Variants in PTK2 observed in about 807,000 individuals in gnomAD.
The protein encoded by PTK2 is protein tyrosine kinase 2.
Under a neutral mutation model 150.1 loss-of-function variants are expected in PTK2, and 45 were observed. That is an observed-to-expected ratio of 0.30 (90% confidence interval 0.24 to 0.38). The LOEUF (loss-of-function observed/expected upper bound fraction) is 0.38, where lower values mean the gene tolerates loss of function less well. PTK2 is among the 10% of genes least tolerant of loss of function. The pLI is 1.00. For synonymous variants in PTK2, 432 were observed against 449.2 expected (o/e 0.96, Z 0.48); for missense variants, 919 against 1,307.3 (o/e 0.70, Z 4.58).
chr8:140,874,183 T>C (rs2100144226), intron 4 of PTK2, among the ~76,000 whole-genome samples: 1 of 152,184 alleles, frequency 6.6e-6, no homozygotes, highest in Non-Finnish European at 1.5e-5. Flanking sequence ...TCTAAGGTCA[T>C]CCTGCCTGAG....
intron 2 of PTK2, among the ~76,000 whole-genome samples, chr8:140,901,575 G>A (rs1436384749): frequency 6.6e-6 from 1 of 150,870 alleles, no homozygotes; most frequent in Non-Finnish European, 1.5e-5. Flanking sequence ...AAACTCAATA[G>A]AAGGAGTTGG....
chr8:140,909,874 G>A (rs1378727491), intron 2 of PTK2, among the ~76,000 whole-genome samples: 1 of 151,826 alleles, frequency 6.6e-6, no homozygotes, highest in Non-Finnish European at 1.5e-5. Context: ...TGTCAAAAAA[G>A]GAAACAAAAG....
rs1045535368 is a variant in PTK2, at chr8:140,697,065, T to G, written c.2499+3826A>C. On this transcript the variant is annotated intron_variant, in intron 26 of 31. Coordinates refer to ENST00000522684, the Ensembl canonical transcript of PTK2. ...GGGAGGACAGATTGAGCCCAGGAGG[T>G]CAAGGCTGGAGTGAGCCGTGATTGT... 2.9e-4 allele frequency among the ~76,000 whole-genome samples: 39 copies of G among 133,012 alleles called. 1 individual carries two copies. The highest frequency in any genetic ancestry group is 4.3e-4 in the Non-Finnish European group (28 of 65,122). 87.3% of individuals were successfully genotyped at this position (133,012 alleles called of 152,430 possible).
At chr8:140,914,946 T>C (rs1420357037) in intron 2 of PTK2, among the ~76,000 whole-genome samples, 3 of 144,512 alleles carry the variant, frequency 2.1e-5, no homozygotes. Context: ...GGCAGGAGAA[T>C]CGCTTGAACC....
chr8:140,753,958 T>C (rs1417163335), intron 16 of PTK2, among the ~76,000 whole-genome samples: 2 of 152,246 alleles, frequency 1.3e-5, no homozygotes, highest in African/African-American at 4.8e-5. Flanking sequence ...ATTTTAAAAA[T>C]ACCTTAAATT....
At chr8:140,715,692 A>G (rs893118700) in intron 23 of PTK2, among the ~76,000 whole-genome samples, 2 of 152,158 alleles carry the variant, frequency 1.3e-5, no homozygotes, top group Admixed American at 1.3e-4. Flanking sequence ...TAGTTTCCTC[A>G]TCTGTTTACT....
intron 14 of PTK2, among the ~76,000 whole-genome samples, chr8:140,785,212 T>C (rs1389997644): frequency 6.6e-6 from 1 of 152,196 alleles, no homozygotes; most frequent in Non-Finnish European, 1.5e-5. Flanking sequence ...TCGGTCCAAA[T>C]ATTCCTGCCT....
At chr8:140,963,307 C>T (rs748603852) in intron 1 of PTK2, among the ~76,000 whole-genome samples, 5 of 152,128 alleles carry the variant, frequency 3.3e-5, no homozygotes, top group South Asian at 2.1e-4. Flanking sequence ...TACACATTTC[C>T]GGAAGTTCAG....
At chr8:140,996,062 G>A in intron 1 of PTK2, among the ~76,000 whole-genome samples, 1 of 152,024 alleles carries the variant, frequency 6.6e-6, no homozygotes, top group African/African-American at 2.4e-5. Context: ...GACAGAGTGA[G>A]ACTGTGTCTC....
At chr8:140,930,300 A>T (rs1307364228) in intron 1 of PTK2, among the ~76,000 whole-genome samples, 3 of 152,238 alleles carry the variant, frequency 2.0e-5, no homozygotes, top group African/African-American at 7.2e-5. Flanking sequence ...CATATCAAAA[A>T]AATAAGGCAG....
intron 4 of PTK2, among the ~76,000 whole-genome samples, chr8:140,877,875 G>A (rs1046465569): frequency 5.3e-5 from 8 of 152,070 alleles, no homozygotes; most frequent in Non-Finnish European, 1.0e-4. Flanking sequence ...AAGAGATTTA[G>A]ATTCAATGAC....
At chr8:140,772,693 T>C (rs2100076193) in intron 14 of PTK2, among the ~76,000 whole-genome samples, 1 of 151,384 alleles carries the variant, frequency 6.6e-6, no homozygotes, top group South Asian at 2.1e-4. Flanking sequence ...TTTCACATGG[T>C]TCAAGGAAAA....
rs748295072 is a variant in PTK2, at chr8:140,659,606, A to G, written c.3019T>C (p.Tyr1007His). 1.2e-6 allele frequency: 2 copies of G among 1,614,206 alleles called. No homozygotes were observed. Among genetic ancestry groups the G allele is most frequent in the Admixed American group, 1.7e-5 (1 of 60,030 alleles). Reference sequence around the variant, plus strand: ...TCTTGCTGGAGGCTGGTCATGACATACTGCTGGGCCAGTTTCATCTTGTTG... The same window carrying G: ...TCTTGCTGGAGGCTGGTCATGACATGCTGCTGGGCCAGTTTCATCTTGTTG... The change falls in exon 32 of 32, where the codon TAT becomes CAT. Residue 1007 changes from tyrosine (Y) to histidine (H), a missense_variant. By Grantham distance (83) the Tyr-to-His change is moderately conservative. This residue lies in a region of PTK2 where 106 missense variants were observed against 161.8 expected (regional missense o/e 0.66). Transcript: ENST00000522684.
chr8:140,915,347 G>T (rs1305227164), intron 2 of PTK2, among the ~76,000 whole-genome samples: 1 of 152,070 alleles, frequency 6.6e-6, no homozygotes, highest in Non-Finnish European at 1.5e-5. Flanking sequence ...AGGATTGCTT[G>T]AGCCTAGGAG....
At chr8:140,925,445 G>A (rs1283339726) in intron 2 of PTK2, 1 of 156,274 alleles carries the variant, frequency 6.4e-6, no homozygotes, top group Non-Finnish European at 1.4e-5. Context: ...TACCATTCCT[G>A]TCATTTTGTC....
chr8:140,688,248 A>G lies in PTK2; in HGVS notation c.2500-1554T>C, dbSNP rs148768755. Among the ~76,000 whole-genome samples, 534 of 152,306 alleles carry G rather than the reference A, an allele frequency of 3.5e-3. 2 individuals are homozygous for G. The highest frequency in any genetic ancestry group is 5.3e-3 in the Non-Finnish European group (360 of 68,018). Reference sequence around the variant, plus strand: ...AACAGAATTACAAAACAGCTCATGTATATCAGCCCCATATCCCTAGTGCCT... The same window carrying G: ...AACAGAATTACAAAACAGCTCATGTGTATCAGCCCCATATCCCTAGTGCCT... On this transcript the variant is annotated intron_variant, in intron 26 of 31. Transcript: ENST00000522684.
intron 26 of PTK2, among the ~76,000 whole-genome samples, chr8:140,689,345 G>A (rs1174574979): frequency 1.3e-5 from 2 of 152,198 alleles, no homozygotes; most frequent in Non-Finnish European, 2.9e-5. Flanking sequence ...ACTCCAGGTT[G>A]ACAATTCACA....
At chr8:140,979,692 G>C (rs2100190668) in intron 1 of PTK2, among the ~76,000 whole-genome samples, 2 of 152,128 alleles carry the variant, frequency 1.3e-5, no homozygotes, top group Admixed American at 6.5e-5. Flanking sequence ...GGACCGGTGG[G>C]AGGTAACTGA....
intron 21 of PTK2, 121 bp downstream of exon 24, chr8:140,738,897 G>T: frequency 1.9e-6 from 1 of 514,068 alleles, no homozygotes; most frequent in Non-Finnish European, 3.2e-6. Context: ...GAAGTCTGAT[G>T]AGGAGATGAT....
Sources: gnomAD v4.1 joint callset for allele counts (sites outside exome capture counted in the v4.1 genomes callset) on GRCh38, gnomAD v4.1.1 for gene constraint, gnomAD v4.1.1 regional missense constraint, MANE v1.5 for transcripts, NCBI Gene and HGNC (gene_info 2026-07-23, HGNC 2026-07-21) for gene names.